The following SGCD variants were observed in gnomAD, a reference collection of about 807,000 sequenced individuals.
SGCD encodes sarcoglycan delta.
SGCD carries 18 observed loss-of-function variants against 36.6 expected under a neutral mutation model. That is an observed-to-expected ratio of 0.49 (90% CI 0.34 to 0.73). The LOEUF (loss-of-function observed/expected upper bound fraction) is 0.73. Among genes scored for constraint, SGCD ranks in the 30% least tolerant of loss-of-function variants. The probability of loss-of-function intolerance (pLI) is 0.01; values close to 1 mark genes in which losing one functional copy is unlikely to be tolerated. For synonymous variants in SGCD, 133 were observed against 130.6 expected (o/e 1.02, Z -0.12); for missense variants, 387 against 346.7 (o/e 1.12, Z -0.92).
chr5:156,228,139 C>T (rs951148227), intron 3 of SGCD, among the ~76,000 whole-genome samples: 1 of 151,958 alleles, frequency 6.6e-6, no homozygotes, highest in African/African-American at 2.4e-5. Context: ...GAAAATGTTC[C>T]GTATGTATCT....
rs564363385 is a variant in SGCD at position 156,370,306 on chromosome 5, C to T, written c.192+25629C>T. On this transcript the variant is annotated intron_variant, in intron 3 of 8. Transcript: ENST00000337851. ...GGATTGAGGACAGCTCTCCAACAGG[C>T]GATACATGTTGCTGTGGAAGAGGGA... Among the ~76,000 whole-genome samples the T allele has an allele frequency of 1.3e-4, 20 of 152,220 alleles. No homozygotes were observed. The South Asian group carries it at 2.9e-3, about 22-fold the overall frequency.
chr5:155,767,631 A>C, the SGCD span, among the ~76,000 whole-genome samples: 3 of 152,104 alleles, frequency 2.0e-5, no homozygotes, highest in Non-Finnish European at 4.4e-5. Flanking sequence ...AGCAAGTGTG[A>C]TTTTGAAAAT....
chr5:156,625,962 T>C (rs1381491936), intron 6 of SGCD, among the ~76,000 whole-genome samples: 2 of 151,432 alleles, frequency 1.3e-5, no homozygotes, highest in Non-Finnish European at 2.9e-5. Context: ...GGTGTGTTGA[T>C]AGGAGTGGGT....
At chr5:156,121,218 T>C (rs1762032222) in intron 2 of SGCD, among the ~76,000 whole-genome samples, 2 of 152,142 alleles carry the variant, frequency 1.3e-5, no homozygotes, top group African/African-American at 4.8e-5. Context: ...TCATGCAGAA[T>C]ATAAGCCTGC....
At chr5:156,298,650 C>T (rs1234025568) in intron 3 of SGCD, among the ~76,000 whole-genome samples, 45 of 138,822 alleles carry the variant, frequency 3.2e-4, no homozygotes, top group African/African-American at 2.8e-4. Context: ...AGGCTGGTCT[C>T]GAACTCCTGA....
chr5:156,176,222 C>T (rs1442982623), intron 3 of SGCD, among the ~76,000 whole-genome samples: 2 of 151,938 alleles, frequency 1.3e-5, no homozygotes, highest in African/African-American at 2.4e-5. Flanking sequence ...AATAGTAGTG[C>T]GTTCTCCTAT....
intron 1 of SGCD, among the ~76,000 whole-genome samples, chr5:155,872,046 A>G (rs1009096355): frequency 1.3e-5 from 2 of 152,172 alleles, no homozygotes; most frequent in Non-Finnish European, 2.9e-5. Context: ...GATTGAAGCA[A>G]CAGGACTTGT....
At chr5:155,931,307 A>C (rs1478100321) in intron 1 of SGCD, among the ~76,000 whole-genome samples, 1 of 152,206 alleles carries the variant, frequency 6.6e-6, no homozygotes, top group Non-Finnish European at 1.5e-5. Context: ...AATTGAAAGA[A>C]GTAGCAACCA....
chr5:156,743,352 T>C lies in SGCD; in HGVS notation c.576-14229T>C, dbSNP rs535209091. On this transcript the variant is annotated intron_variant, in intron 7 of 8. Coordinates refer to ENST00000337851, the MANE Select transcript of SGCD (RefSeq NM_000337.6). ...ATTTCAAACTCTTAACCTCAGGTGA[T>C]CAACCTGCCTTGGCCTCCCAAAGTG... is the stretch of plus-strand genomic sequence containing the variant. Among the ~76,000 whole-genome samples the C allele has an allele frequency of 9.8e-5, 15 of 152,334 alleles. 1 individual carries two copies. The highest frequency in any genetic ancestry group is 2.1e-4 in the Non-Finnish European group (14 of 68,026).
At chr5:156,035,988 A>T (rs1448691017) in intron 1 of SGCD, among the ~76,000 whole-genome samples, 1 of 152,226 alleles carries the variant, frequency 6.6e-6, no homozygotes, top group African/African-American at 2.4e-5. Context: ...AGTTATATAC[A>T]TGCTGGACAC....
chr5:156,038,933 T>C (rs1759567391), intron 1 of SGCD, among the ~76,000 whole-genome samples: 1 of 152,174 alleles, frequency 6.6e-6, no homozygotes, highest in African/African-American at 2.4e-5. Context: ...TACAAAACCC[T>C]GCTCAGTTTG....
intron 4 of SGCD, among the ~76,000 whole-genome samples, chr5:156,536,774 C>T (rs1339179956): frequency 6.6e-6 from 1 of 152,138 alleles, no homozygotes; most frequent in Non-Finnish European, 1.5e-5. Flanking sequence ...ACATTTTAAA[C>T]ATTTCATCTA....
At chr5:156,309,787 G>A (rs1377275229) in intron 3 of SGCD, among the ~76,000 whole-genome samples, 5 of 151,680 alleles carry the variant, frequency 3.3e-5, no homozygotes, top group African/African-American at 7.3e-5. Flanking sequence ...CGCCCCACCC[G>A]ATCTTTGAGC....
the SGCD span, among the ~76,000 whole-genome samples, chr5:155,728,908 G>C: frequency 6.6e-6 from 1 of 152,230 alleles, no homozygotes; most frequent in African/African-American, 2.4e-5. Context: ...GCCCAGGAGA[G>C]GAGCGAGACA....
intron 3 of SGCD, among the ~76,000 whole-genome samples, chr5:156,185,502 C>T (rs961801969): frequency 1.3e-5 from 2 of 152,088 alleles, no homozygotes; most frequent in Non-Finnish European, 2.9e-5. Flanking sequence ...ATGTGAGCCA[C>T]CGCGCCTGGC....
chr5:156,337,173 T>C (rs1768397592), intron 2 of SGCD, among the ~76,000 whole-genome samples: 1 of 152,244 alleles, frequency 6.6e-6, no homozygotes, highest in South Asian at 2.1e-4. Context: ...TGTACCAGGA[T>C]GATTCAAAAT....
rs565343036 is a variant in SGCD at position 155,944,950 on chromosome 5, C to G, written c.-282+74526C>G. ...AATAATAAGGGAGTGTAAATCTCAC[C>G]ATATAGATGGTGGCCCAAGTGAACA... On this transcript the variant is annotated intron_variant, in intron 1 of 9. Transcript: ENST00000517913. 1.4e-3 allele frequency among the ~76,000 whole-genome samples: 214 copies of G among 151,898 alleles called. 2 individuals carry two copies. The highest frequency in any genetic ancestry group is 5.1e-3 in the African/African-American group (210 of 41,412).
At chr5:156,145,556 T>A (rs906503811) in intron 3 of SGCD, among the ~76,000 whole-genome samples, 2 of 152,210 alleles carry the variant, frequency 1.3e-5, no homozygotes, top group Non-Finnish European at 2.9e-5. Flanking sequence ...AAATTAAGAA[T>A]GAATTTTATG....
At chr5:156,713,923 T>C (rs1359555202) in intron 7 of SGCD, among the ~76,000 whole-genome samples, 1 of 152,234 alleles carries the variant, frequency 6.6e-6, no homozygotes, top group East Asian at 1.9e-4. Context: ...CTCAAAGAGC[T>C]AATTGTGGCA....
Sources: allele counts gnomAD v4.1 joint callset (sites outside exome capture counted in the v4.1 genomes callset), GRCh38; gene constraint gnomAD v4.1.1; transcripts MANE v1.5; gene names NCBI Gene and HGNC (gene_info 2026-07-23, HGNC 2026-07-21).